Variants in PCLAF observed in about 807,000 individuals in gnomAD.
The protein encoded by PCLAF is PCNA-associated factor.
In PCLAF, 12 loss-of-function variants were observed where a neutral mutation model predicts 15.1. The observed-to-expected ratio is 0.79, with a 90% CI of 0.51 to 1.29. The LOEUF is 1.29. Among genes scored for constraint, PCLAF ranks in the 50% most tolerant of loss-of-function variants. The pLI is 0.00. For missense variants in PCLAF, 116 were observed against 130.9 expected (o/e 0.89, Z 0.56); for synonymous variants, 33 against 47.1 (o/e 0.70, Z 1.22).
chr15:64,370,587 T>C (rs1276160709), intron 3 of PCLAF, among the ~76,000 whole-genome samples: 1 of 151,884 alleles, frequency 6.6e-6, no homozygotes, highest in Non-Finnish European at 1.5e-5. Context: ...CAGGCTGGTC[T>C]CGAACTCCTG....
At chr15:64,371,699 T>G (rs1406167298) in intron 3 of PCLAF, among the ~76,000 whole-genome samples, 1 of 152,032 alleles carries the variant, frequency 6.6e-6, no homozygotes, top group Admixed American at 6.6e-5. Context: ...TGGGTTCAAG[T>G]GATTCTCCTG....
chr15:64,383,306 A>C (rs1047962659), upstream of PCLAF, among the ~76,000 whole-genome samples: 3 of 151,692 alleles, frequency 2.0e-5, no homozygotes, highest in African/African-American at 7.3e-5. Flanking sequence ...CACAAGACCC[A>C]GGGCATTCCT....
At chr15:64,370,556 C>T (rs953155140) in intron 3 of PCLAF, among the ~76,000 whole-genome samples, 1 of 151,548 alleles carries the variant, frequency 6.6e-6, no homozygotes, top group Admixed American at 6.6e-5. Flanking sequence ...TTAGTAGAGA[C>T]GGGGGTTTCG....
intron 3 of PCLAF, among the ~76,000 whole-genome samples, chr15:64,370,182 G>A (rs554692295): frequency 4.7e-5 from 7 of 150,140 alleles, no homozygotes; most frequent in South Asian, 2.1e-4. Context: ...GGGCTCAAGC[G>A]ACTCCCACCT....
At chr15:64,374,214 T>C (rs1899486229) in intron 3 of PCLAF, among the ~76,000 whole-genome samples, 1 of 152,164 alleles carries the variant, frequency 6.6e-6, no homozygotes, top group Admixed American at 6.5e-5. Context: ...TTCCTGTCAT[T>C]AAAAATGTAA....
chr15:64,380,604 T>C (rs1404338733), intron 2 of PCLAF, among the ~76,000 whole-genome samples: 1 of 151,910 alleles, frequency 6.6e-6, no homozygotes, highest in Non-Finnish European at 1.5e-5. Flanking sequence ...CTTTGGAGGC[T>C]GAGGTGGGAG....
intron 1 of PCLAF, 114 bp downstream of exon 1, chr15:64,381,212 C>A: frequency 7.4e-7 from 1 of 1,354,122 alleles, no homozygotes; most frequent in Non-Finnish European, 1.1e-6. Context: ...TACTCCCTGG[C>A]TAGCTAGATG....
chr15:64,381,531 G>A, upstream of PCLAF: 1 of 1,518,172 alleles, frequency 6.6e-7, no homozygotes, highest in Non-Finnish European at 8.8e-7. Context: ...TTGGTTCCGC[G>A]CCGTTCCCCC....
intron 2 of PCLAF, among the ~76,000 whole-genome samples, chr15:64,378,668 T>C (rs1899715612): frequency 6.6e-6 from 1 of 152,180 alleles, no homozygotes. Context: ...ATCCCAGCAC[T>C]TTGTGAGGCC....
chr15:64,382,309 T>G (rs1899842872), upstream of PCLAF: 1 of 151,530 alleles, frequency 6.6e-6, no homozygotes, highest in Non-Finnish European at 1.5e-5. Context: ...GGAGGATGGC[T>G]TGAGTTCAGG....
chr15:64,383,528 G>A (rs996577708), upstream of PCLAF, among the ~76,000 whole-genome samples: 10 of 152,016 alleles, frequency 6.6e-5, no homozygotes, highest in East Asian at 9.7e-4. Context: ...CAAAACACTC[G>A]GCTAATTTTT....
intron 3 of PCLAF, among the ~76,000 whole-genome samples, chr15:64,367,916 T>G (rs1475044161): frequency 6.6e-6 from 1 of 151,756 alleles, no homozygotes; most frequent in East Asian, 1.9e-4. Context: ...TTTTTTGGTT[T>G]ATTAGAGCTG....
At chr15:64,370,257 T>TG (rs1319288703) in intron 3 of PCLAF, among the ~76,000 whole-genome samples, 1,861 of 149,910 alleles carry the variant, frequency 0.012, 26 homozygotes, top group Non-Finnish European at 0.019. Context: ...TTTTTTTTTT[T>TG]TTTTTTTGTG....
intron 3 of PCLAF, among the ~76,000 whole-genome samples, chr15:64,368,692 C>T (rs1357342886): frequency 2.6e-5 from 4 of 151,968 alleles, no homozygotes; most frequent in Non-Finnish European, 4.4e-5. Flanking sequence ...AATCTAAGAA[C>T]AGGACCTAAA....
chr15:64,371,250 G>A (rs1899301149), intron 3 of PCLAF, among the ~76,000 whole-genome samples: 1 of 150,890 alleles, frequency 6.6e-6, no homozygotes, highest in East Asian at 1.9e-4. Context: ...TTACAGGCGT[G>A]AGCCACTGCA....
chr15:64,381,586 T>A (rs940298443), upstream of PCLAF: 21 of 1,375,372 alleles, frequency 1.5e-5, no homozygotes, highest in Non-Finnish European at 2.0e-5. Flanking sequence ...CGAGGCTTCT[T>A]GCAGCGCGAA....
At chr15:64,381,263 C>T (rs1798586825) in intron 1 of PCLAF, 63 bp downstream of exon 1, 9 of 1,585,630 alleles carry the variant, frequency 5.7e-6, no homozygotes, top group East Asian at 4.5e-5. Flanking sequence ...TGGCGTCTGT[C>T]GCCCGTGGCC....
At chr15:64,384,975 C>G (rs1899905567), upstream of PCLAF, among the ~76,000 whole-genome samples, 1 of 152,048 alleles carries the variant, frequency 6.6e-6, no homozygotes, top group South Asian at 2.1e-4. Flanking sequence ...TCACAGTTTA[C>G]TGCAGCCTCG....
At chr15:64,378,570 TCA>T (rs1297660161) in intron 2 of PCLAF, among the ~76,000 whole-genome samples, 2 of 152,128 alleles carry the variant, frequency 1.3e-5, no homozygotes, top group African/African-American at 2.4e-5. Flanking sequence ...ATCTTTTGGT[TCA>T]CAGTTTTCCC....
Sources: allele counts gnomAD v4.1 joint callset (sites outside exome capture counted in the v4.1 genomes callset), GRCh38; gene constraint gnomAD v4.1.1; transcripts MANE v1.5; gene names NCBI Gene and HGNC (gene_info 2026-07-23, HGNC 2026-07-21).